The following SPATC1 variants were observed in gnomAD, a reference collection of about 807,000 sequenced individuals.
SPATC1 encodes spermatogenesis and centriole associated 1.
In SPATC1, 35 loss-of-function variants were observed where a neutral mutation model predicts 36.5. The ratio of observed to expected loss-of-function variants is 0.96; its 90% CI spans 0.73 to 1.27. SPATC1 has a LOEUF of 1.27. SPATC1 is among the 50% of genes most tolerant of loss of function. The pLI is 0.00. For missense variants in SPATC1, 779 were observed against 796.0 expected (o/e 0.98, Z 0.26); for synonymous variants, 361 against 353.6 (o/e 1.02, Z -0.24).
intron 4 of SPATC1, 40 bp downstream of exon 4, chr8:144,041,411 G>C (rs1365888359): frequency 6.3e-7 from 1 of 1,594,714 alleles, no homozygotes; most frequent in Non-Finnish European, 8.5e-7. Context: ...GGGGCAGGTT[G>C]GCCCATGAGG....
At chr8:144,019,017 G>A (rs1834449618) in intron 1 of SPATC1, among the ~76,000 whole-genome samples, 1 of 148,686 alleles carries the variant, frequency 6.7e-6, no homozygotes, top group Non-Finnish European at 1.5e-5. Flanking sequence ...ACTCCAGCCT[G>A]GGCGACAGAG....
intron 1 of SPATC1, among the ~76,000 whole-genome samples, chr8:144,029,740 G>T (rs1834757441): frequency 6.6e-6 from 1 of 152,152 alleles, no homozygotes; most frequent in African/African-American, 2.4e-5. Flanking sequence ...CCATCCTGGA[G>T]AATGTTTCAT....
At chr8:144,022,980 G>A (rs1834571031) in intron 1 of SPATC1, among the ~76,000 whole-genome samples, 1 of 146,964 alleles carries the variant, frequency 6.8e-6, no homozygotes, top group South Asian at 2.2e-4. Context: ...ATTCCCTCAG[G>A]ACCCTCTTCC....
Position 144,041,009 on chromosome 8 carries a change from G to A in SPATC1, c.1208G>A (p.Arg403Gln), listed in dbSNP as rs782376809. 2.2e-5 allele frequency: 36 copies of A among 1,611,714 alleles called. No homozygotes were observed. Among genetic ancestry groups the A allele is most frequent in the Non-Finnish European group, 2.7e-5 (32 of 1,179,770 alleles). ...SSSPASVNDS[R>Q]GPRTTEPSTK... is the part of the protein sequence containing the mutation. ...TCCCCGGCTTCAGTCAATGACTCTC[G>A]AGGTCCACGCACCACAGAACCGTCG... Residue 403 changes from arginine to glutamine, a missense_variant, in exon 3 of 5, where the codon CGA becomes CAA. By Grantham distance (43) the Arg-to-Gln change is conservative. Transcript: ENST00000377470.
intron 1 of SPATC1, among the ~76,000 whole-genome samples, chr8:144,035,138 T>G (rs1834872356): frequency 6.6e-6 from 1 of 152,246 alleles, no homozygotes; most frequent in East Asian, 1.9e-4. Context: ...GGATGGGTCT[T>G]TCTGAGGCCT....
intron 4 of SPATC1, 66 bp downstream of exon 4, chr8:144,041,437 G>T (rs945014827): frequency 1.3e-6 from 2 of 1,572,292 alleles, no homozygotes; most frequent in African/African-American, 2.7e-5. Flanking sequence ...TGGGGACCCT[G>T]CACTCTGGCC....
In SPATC1 at chr8:144,040,825, GC is replaced by G. The variant is rs1835067916; in HGVS notation, c.1030del (p.Gln344ArgfsTer72). 4 of 1,476,770 alleles carry G rather than the reference GC, an allele frequency of 2.7e-6. No homozygotes were observed. Among genetic ancestry groups the G allele is most frequent in the Non-Finnish European group, 3.6e-6 (4 of 1,116,660 alleles). 91.5% of individuals were successfully genotyped at this position (1,476,770 alleles called of 1,614,324 possible). ...CGTCCTTGCCTCTGCCCCCGCCCTT[GC>G]CCCCCAGGTTGCCACCAGCTACACA... ...VTVLASAPAL[A>X]PQVATSYTPS... On this transcript the variant is annotated frameshift_variant, in exon 3 of 5. Transcript: ENST00000377470. LOFTEE classifies it high-confidence loss of function.
At chr8:144,021,245 C>T (rs1834523309) in intron 1 of SPATC1, among the ~76,000 whole-genome samples, 1 of 149,296 alleles carries the variant, frequency 6.7e-6, no homozygotes, top group African/African-American at 2.5e-5. Context: ...ACCCTCTCCC[C>T]TCAGGACTCT....
At position 144,045,384 on chromosome 8, in the gene SPATC1, G is replaced by A. The variant is rs1363605743; in HGVS notation, c.1447-1243G>A. Among the ~76,000 whole-genome samples, 4 of 152,154 alleles carry A rather than the reference G, an allele frequency of 2.6e-5. No individual in the cohort carries two copies. Among genetic ancestry groups the A allele is most frequent in the East Asian group, 1.9e-4 (1 of 5,192 alleles). On this transcript the variant is annotated intron_variant, in intron 4 of 4. Coordinates refer to ENST00000377470, the MANE Select transcript of SPATC1 (RefSeq NM_198572.3). This position sits in a 1 kb window ranked among gnomAD's most constrained non-coding sequence, Gnocchi z 5.2. Reference sequence around the variant, plus strand: ...GGTTGACGTCACATTAACCGGGCCCGGTCCTGAGTCCAGCCCCAAGACTGG... The same window carrying A: ...GGTTGACGTCACATTAACCGGGCCCAGTCCTGAGTCCAGCCCCAAGACTGG...
intron 1 of SPATC1, among the ~76,000 whole-genome samples, chr8:144,031,957 C>T (rs1235613995): frequency 3.3e-5 from 5 of 152,178 alleles, no homozygotes; most frequent in South Asian, 2.1e-4. Flanking sequence ...TGGGCTCAAG[C>T]GATCTGCCCA....
Position 144,040,791 on chromosome 8 carries a change from C to T in SPATC1, c.990C>T (p.Pro330=), listed in dbSNP as rs1835064466. 2 of 1,563,084 alleles carry T rather than the reference C, an allele frequency of 1.3e-6. No homozygotes were observed. Among genetic ancestry groups the T allele is most frequent in the East Asian group, 2.3e-5 (1 of 42,694 alleles). ...TCCCCACCTCCCCCACCACCTCCCC[C>T]ACGGTCACCGTCCTTGCCTCTGCCC... ...ASVPTSPTTS[P]TVTVLASAPA... The change falls in exon 3 of 5, where the codon CCC becomes CCT. Residue 330 remains proline (P), a synonymous_variant. Transcript: ENST00000377470.
rs1414655152 is a variant in SPATC1, at chr8:144,045,162, G to C, written c.1447-1465G>C. 6.6e-6 allele frequency among the ~76,000 whole-genome samples: 1 copy of C among 152,240 alleles called. No individual in the cohort carries two copies. The highest frequency in any genetic ancestry group is 1.5e-5 in the Non-Finnish European group (1 of 68,040). On this transcript the variant is annotated intron_variant, in intron 4 of 4. Coordinates refer to ENST00000377470, the MANE Select transcript of SPATC1 (RefSeq NM_198572.3). This position sits in a 1 kb window ranked among gnomAD's most constrained non-coding sequence, Gnocchi z 5.2. ...CCAGTGTGATGCAGAAGCAGCCGTTGAGCACGGCTGTCCACGGGCCCTCAC... is the reference window on the plus strand; with the variant it reads ...CCAGTGTGATGCAGAAGCAGCCGTTCAGCACGGCTGTCCACGGGCCCTCAC...
At position 144,023,757 on chromosome 8, in the gene SPATC1, TC is replaced by T. The variant is rs1834605954; in HGVS notation, c.211+11032del. The stretch of plus-strand genomic sequence containing the variant: ...CCTCTCCCCTCAAAACTCTCTTCCT[TC>T]AGAACCCTTTCCCTAAGGTCCCTCT... On this transcript the variant is annotated intron_variant, in intron 1 of 4. Coordinates refer to ENST00000377470, the MANE Select transcript of SPATC1 (RefSeq NM_198572.3). Among the ~76,000 whole-genome samples the T allele has an allele frequency of 8.2e-3, 2 of 244 alleles. 1 individual carries two copies. The highest frequency in any genetic ancestry group is 0.015 in the Non-Finnish European group (2 of 132). 0.2% of individuals were successfully genotyped at this position (244 alleles called of 152,430 possible). A position where few individuals can be genotyped will look rare whatever the true frequency, so the allele number is the denominator to read the frequency against.
intron 1 of SPATC1, among the ~76,000 whole-genome samples, chr8:144,017,186 T>C (rs1834412123): frequency 6.6e-6 from 1 of 152,140 alleles, no homozygotes; most frequent in Non-Finnish European, 1.5e-5. Context: ...AAAGAGAGCA[T>C]CCAGAATGTA....
chr8:144,025,747 T>C (rs1174760381), intron 1 of SPATC1, among the ~76,000 whole-genome samples: 2 of 152,158 alleles, frequency 1.3e-5, no homozygotes, highest in Non-Finnish European at 2.9e-5. Context: ...GTGATTCTGA[T>C]GGGTCGTAGA....
chr8:144,037,150 G>C (rs1275428353), intron 1 of SPATC1, among the ~76,000 whole-genome samples: 1 of 123,946 alleles, frequency 8.1e-6, no homozygotes, highest in African/African-American at 3.3e-5. Flanking sequence ...GAGGTGGGGG[G>C]GTCAGCCCCC....
chr8:144,042,298 TATATATATATATA>T (rs1215125378), intron 4 of SPATC1, among the ~76,000 whole-genome samples: 3 of 59,508 alleles, frequency 5.0e-5, no homozygotes, highest in African/African-American at 3.1e-4. Context: ...TATATATATA[TATATATATATATA>T]TTTTTTTTTT....
chr8:144,027,487 T>C (rs1834708951), intron 1 of SPATC1, among the ~76,000 whole-genome samples: 1 of 152,226 alleles, frequency 6.6e-6, no homozygotes, highest in African/African-American at 2.4e-5. Context: ...TTGTTGTTTG[T>C]GCCTTAGGTG....
rs529403914 is a variant in SPATC1, at chr8:144,040,936, C to T, written c.1135C>T (p.Pro379Ser). The change falls in exon 3 of 5, where the codon CCC becomes TCC. Residue 379 changes from proline (P) to serine (S), a missense_variant. Physicochemically the swap from Pro to Ser is moderately conservative, Grantham distance 74. Coordinates refer to ENST00000377470, the MANE Select transcript of SPATC1 (RefSeq NM_198572.3). Reference protein sequence around the residue: ...HNSPTQNLPVPHCPPHNAHSP... With the variant: ...HNSPTQNLPVSHCPPHNAHSP... ...TTCCCCAACCCAGAACCTGCCTGTC[C>T]CCCACTGTCCTCCACACAACGCCCA... 1.9e-6 allele frequency: 3 copies of T among 1,600,416 alleles called. No individual in the cohort carries two copies. Among genetic ancestry groups the T allele is most frequent in the South Asian group, 2.2e-5 (2 of 89,296 alleles).
Sources: gnomAD v4.1 joint callset for allele counts (sites outside exome capture counted in the v4.1 genomes callset) on GRCh38, gnomAD v4.1.1 for gene constraint, Gnocchi (gnomAD v3.1) non-coding constraint, MANE v1.5 for transcripts, NCBI Gene and HGNC (gene_info 2026-07-23, HGNC 2026-07-21) for gene names.